ZDHHC3: variants seen among roughly 807,000 people sequenced by gnomAD.
The protein encoded by ZDHHC3 is palmitoyltransferase ZDHHC3.
Under a neutral mutation model 30.6 loss-of-function variants are expected in ZDHHC3, and 9 were observed. The ratio of observed to expected loss-of-function variants is 0.29; its 90% CI spans 0.18 to 0.51. The LOEUF is 0.51. Ranked by LOEUF, ZDHHC3 falls within the 20% of genes least tolerant of loss-of-function variation. ZDHHC3 has a pLI of 0.97. For missense variants in ZDHHC3, 246 were observed against 384.2 expected (o/e 0.64, Z 3.01); for synonymous variants, 136 against 140.2 (o/e 0.97, Z 0.21).
intron 3 of ZDHHC3, among the ~76,000 whole-genome samples, chr3:44,940,110 G>A (rs1575829991): frequency 6.6e-6 from 1 of 152,240 alleles, no homozygotes; most frequent in East Asian, 1.9e-4. Context: ...ACCACACCCT[G>A]CCCTGCTGTT....
At position 44,926,136 on chromosome 3, in the gene ZDHHC3, G is replaced by A. The variant is rs912493813; in HGVS notation, c.*553C>T. 2.0e-6 allele frequency: 2 copies of A among 985,704 alleles called. No homozygotes were observed. The highest frequency in any genetic ancestry group is 6.1e-5 in the Admixed American group (1 of 16,272). 61.1% of individuals were successfully genotyped at this position (985,704 alleles called of 1,614,324 possible). A position where few individuals can be genotyped will look rare whatever the true frequency, so the allele number is the denominator to read the frequency against. ...TGCTTTGCGAGTTAGCAGGCAAACC[G>A]TGTCCACTTGGGGGATGAGGTCGCT... On this transcript the variant is annotated 3_prime_UTR_variant, in exon 7 of 7. Coordinates refer to ENST00000424952, the MANE Select transcript of ZDHHC3 (RefSeq NM_001135179.2).
At chr3:44,954,596 T>C (rs1370065515) in intron 2 of ZDHHC3, among the ~76,000 whole-genome samples, 1 of 152,188 alleles carries the variant, frequency 6.6e-6, no homozygotes, top group East Asian at 1.9e-4. Flanking sequence ...GACTGTATAT[T>C]CCTCCTTTTC....
Position 44,933,114 on chromosome 3 carries a change from T to G in ZDHHC3, c.610+4A>C. On this transcript the variant is annotated splice_donor_region_variant and intron_variant, in intron 5 of 6. Coordinates refer to ENST00000424952, the MANE Select transcript of ZDHHC3 (RefSeq NM_001135179.2). ...CAGGGAGGAAAGCCTCAGCACATAC[T>G]CACTTGTCCAATCTTCTTCAAAGCA... 1 of 1,613,902 alleles carries G rather than the reference T, an allele frequency of 6.2e-7. No individual in the cohort carries two copies. Among genetic ancestry groups the G allele is most frequent in the East Asian group, 2.2e-5 (1 of 44,890 alleles).
chr3:44,929,347 T>G lies in ZDHHC3; in HGVS notation c.700A>C (p.Met234Leu). The G allele has an allele frequency of 6.2e-7, 1 of 1,614,040 alleles. No homozygotes were observed. The highest frequency in any genetic ancestry group is 8.5e-7 in the Non-Finnish European group (1 of 1,179,978). ...GLLFLIFTSV[M>L]FGTQVHSICT... ...ATGGAGTGCACCTGGGTCCCAAACA[T>G]CACTGATGTGAAAATGAGGAAGAGC... Residue 234 changes from methionine (M) to leucine (L), a missense_variant, in exon 6 of 7, where the codon ATG becomes CTG. Physicochemically the swap from Met to Leu is conservative, Grantham distance 15. Transcript: ENST00000424952.
intron 2 of ZDHHC3, among the ~76,000 whole-genome samples, chr3:44,950,405 G>A (rs77267314): frequency 1.0e-3 from 158 of 152,298 alleles, no homozygotes; most frequent in Middle Eastern, 3.4e-3. Context: ...AAGACTGCAA[G>A]AGGAAACCTC....
chr3:44,938,876 T>G (rs1702201017), intron 3 of ZDHHC3, among the ~76,000 whole-genome samples: 1 of 152,226 alleles, frequency 6.6e-6, no homozygotes, highest in African/African-American at 2.4e-5. Context: ...GATGTGTGCT[T>G]TTCAAAGCCT....
chr3:44,932,647 C>A (rs1196906816), intron 5 of ZDHHC3, among the ~76,000 whole-genome samples: 1 of 152,166 alleles, frequency 6.6e-6, no homozygotes, highest in African/African-American at 2.4e-5. Flanking sequence ...TCAGTGTAAG[C>A]AGTTAAAAAA....
intron 5 of ZDHHC3, among the ~76,000 whole-genome samples, chr3:44,932,237 T>G (rs771392543): frequency 6.6e-6 from 1 of 152,072 alleles, no homozygotes; most frequent in Non-Finnish European, 1.5e-5. Flanking sequence ...AATGGCAAGT[T>G]CTGCACATAC....
chr3:44,956,316 C>T (rs1248724672), intron 2 of ZDHHC3, among the ~76,000 whole-genome samples: 1 of 152,218 alleles, frequency 6.6e-6, no homozygotes, highest in Non-Finnish European at 1.5e-5. Context: ...ATCTACTGCC[C>T]ACCTAGCATC....
At position 44,929,394 on chromosome 3, in the gene ZDHHC3, A is replaced by T. The variant is rs767803906; in HGVS notation, c.653T>A (p.Ile218Asn). The stretch of plus-strand genomic sequence containing the variant: ...GAGCAGGCCCTCAAAGCACAGCAGG[A>T]TAAGGAGAATCACTGTGGTGGGTGG... Reference protein sequence around the residue: ...FSPPTTVILLILLCFEGLLFL... With the variant: ...FSPPTTVILLNLLCFEGLLFL... The change falls in exon 6 of 7, where the codon ATC (isoleucine) becomes AAC (asparagine). Residue 218 changes from isoleucine to asparagine, a missense_variant. Physicochemically the swap from Ile to Asn is moderately radical, Grantham distance 149. Transcript: ENST00000424952. 3.1e-6 allele frequency: 5 copies of T among 1,614,140 alleles called. No individual in the cohort carries two copies. Among genetic ancestry groups the T allele is most frequent in the Non-Finnish European group, 2.5e-6 (3 of 1,179,972 alleles).
chr3:44,969,859 T>A (rs971568050), intron 1 of ZDHHC3: 4 of 152,252 alleles, frequency 2.6e-5, no homozygotes, highest in Admixed American at 1.3e-4. Flanking sequence ...TGGGAAATAC[T>A]TCCTGTGGTG....
chr3:44,942,046 C>T (rs1575837417), intron 3 of ZDHHC3, among the ~76,000 whole-genome samples: 1 of 152,236 alleles, frequency 6.6e-6, no homozygotes, highest in East Asian at 1.9e-4. Context: ...AAGACCCAAC[C>T]ACACACCATA....
Position 44,925,124 on chromosome 3 carries a change from G to A in ZDHHC3, c.*1565C>T, listed in dbSNP as rs534098286. 50 of 985,848 alleles carry A rather than the reference G, an allele frequency of 5.1e-5. No individual in the cohort carries two copies. The African/African-American group carries it at 6.6e-4, about 13-fold the overall frequency. 61.1% of individuals were successfully genotyped at this position (985,848 alleles called of 1,614,324 possible). A position where few individuals can be genotyped will look rare whatever the true frequency, so the allele number is the denominator to read the frequency against. ...AAACTCAAGTAGATTGTGGATAGTC[G>A]GCCTCCCACTAAGGGTAACACCTCA... On this transcript the variant is annotated 3_prime_UTR_variant, in exon 7 of 7. Coordinates refer to ENST00000424952, the MANE Select transcript of ZDHHC3 (RefSeq NM_001135179.2).
At chr3:44,975,054 A>ATTTT (rs75953495) in intron 1 of ZDHHC3, among the ~76,000 whole-genome samples, 1 of 144,516 alleles carries the variant, frequency 6.9e-6, no homozygotes, top group Non-Finnish European at 1.5e-5. Context: ...GATAAATACC[A>ATTTT]TTTTTTTTTT....
Position 44,926,664 on chromosome 3 carries a change from G to A in ZDHHC3, c.*25C>T. On this transcript the variant is annotated 3_prime_UTR_variant, in exon 7 of 7. Transcript: ENST00000424952. Reference sequence around the variant, plus strand: ...AGTGCTGTGGTGTGGACTTGTGTCTGAGTGGCCATGCCGGTCGGGGTCCTT... The same window carrying A: ...AGTGCTGTGGTGTGGACTTGTGTCTAAGTGGCCATGCCGGTCGGGGTCCTT... 1 of 1,565,522 alleles carries A rather than the reference G, an allele frequency of 6.4e-7. No individual in the cohort carries two copies. The highest frequency in any genetic ancestry group is 8.6e-7 in the Non-Finnish European group (1 of 1,158,824).
chr3:44,963,501 A>C (rs1704657952), intron 1 of ZDHHC3, among the ~76,000 whole-genome samples: 1 of 10,416 alleles, frequency 9.6e-5, no homozygotes, highest in Non-Finnish European at 2.2e-4. Flanking sequence ...GAAATATGGC[A>C]AAAAAAAAAA....
In ZDHHC3 at chr3:44,918,439, A is replaced by G; in HGVS notation, c.*8250T>C. On this transcript the variant is annotated 3_prime_UTR_variant, in exon 7 of 7. Coordinates refer to ENST00000424952, the MANE Select transcript of ZDHHC3 (RefSeq NM_001135179.2). ...CCCAGCCCTCCCCTTCTTTCCTTCC[A>G]CAAGTGCAATGCCAGATGATGGGCA... The G allele has an allele frequency of 2.0e-6, 2 of 985,338 alleles. No individual in the cohort carries two copies. Among genetic ancestry groups the G allele is most frequent in the Non-Finnish European group, 2.4e-6 (2 of 829,916 alleles). 61.0% of individuals were successfully genotyped at this position (985,338 alleles called of 1,614,324 possible). A position where few individuals can be genotyped will look rare whatever the true frequency, so the allele number is the denominator to read the frequency against.
chr3:44,963,456 G>T (rs1028496195), intron 1 of ZDHHC3, among the ~76,000 whole-genome samples: 1 of 149,732 alleles, frequency 6.7e-6, no homozygotes, highest in African/African-American at 2.5e-5. Flanking sequence ...TTCAAGAAAA[G>T]ATTTGTTCCT....
At position 44,920,388 on chromosome 3, in the gene ZDHHC3, A is replaced by G. The variant is rs748403166; in HGVS notation, c.*6301T>C. 1 of 1,284,344 alleles carries G rather than the reference A, an allele frequency of 7.8e-7. No homozygotes were observed. The highest frequency in any genetic ancestry group is 1.0e-6 in the Non-Finnish European group (1 of 984,190). 79.6% of individuals were successfully genotyped at this position (1,284,344 alleles called of 1,614,324 possible). A position where few individuals can be genotyped will look rare whatever the true frequency, so the allele number is the denominator to read the frequency against. On this transcript the variant is annotated 3_prime_UTR_variant, in exon 7 of 7. Coordinates refer to ENST00000424952, the MANE Select transcript of ZDHHC3 (RefSeq NM_001135179.2). ...ATAGCACGAGAGCTGGGACATCACC[A>G]TATGGCAGACCCGGCTACAGAGGAA...
Sources: allele counts gnomAD v4.1 joint callset (sites outside exome capture counted in the v4.1 genomes callset), GRCh38; gene constraint gnomAD v4.1.1; transcripts MANE v1.5; gene names NCBI Gene and HGNC (gene_info 2026-07-23, HGNC 2026-07-21).